The following KAZN variants were observed in gnomAD, a reference collection of about 807,000 sequenced individuals.
KAZN encodes kazrin.
Under a neutral mutation model 87.4 loss-of-function variants are expected in KAZN, and 40 were observed. That is an observed-to-expected ratio of 0.46 (90% CI 0.36 to 0.60). KAZN has a LOEUF of 0.60. KAZN is among the 20% of genes least tolerant of loss of function. KAZN has a pLI of 0.00. For synonymous variants in KAZN, 466 were observed against 458.3 expected (o/e 1.02, Z -0.22); for missense variants, 898 against 1,073.9 (o/e 0.84, Z 2.29).
chr1:14,933,849 CT>C (rs59580896), intron 1 of KAZN, among the ~76,000 whole-genome samples: 72,729 of 141,022 alleles, frequency 0.52, 19,901 homozygotes, highest in African/African-American at 0.75. Flanking sequence ...GCTTTTTTTT[CT>C]TTTTTTTTTT....
intron 2 of KAZN, among the ~76,000 whole-genome samples, chr1:14,219,202 C>T (rs926075063): frequency 4.6e-5 from 7 of 151,978 alleles, no homozygotes; most frequent in African/African-American, 1.4e-4. Flanking sequence ...GATGTATAAT[C>T]AGGTGATAAA....
At chr1:14,254,543 TGGTC>T (rs776333922) in intron 2 of KAZN, among the ~76,000 whole-genome samples, 5 of 152,068 alleles carry the variant, frequency 3.3e-5, no homozygotes, top group Non-Finnish European at 7.4e-5. Context: ...AAGTGGCAAA[TGGTC>T]AAAATACAGC....
intron 1 of KAZN, among the ~76,000 whole-genome samples, chr1:14,163,222 T>TA (rs1452986413): frequency 6.6e-6 from 1 of 152,146 alleles, no homozygotes. Flanking sequence ...GAAAGTTTAT[T>TA]AAAAAGTTTT....
intron 2 of KAZN, among the ~76,000 whole-genome samples, chr1:14,999,992 G>A (rs1244012747): frequency 6.6e-6 from 1 of 152,158 alleles, no homozygotes; most frequent in African/African-American, 2.4e-5. Flanking sequence ...TATAATCCCT[G>A]GAACCTGTGG....
intron 2 of KAZN, among the ~76,000 whole-genome samples, chr1:14,448,390 C>T (rs144436330): frequency 1.6e-4 from 25 of 152,326 alleles, no homozygotes; most frequent in Non-Finnish European, 3.4e-4. Flanking sequence ...TCCAGCAGGA[C>T]GTGTTCAGAT....
chr1:14,600,286 A>G (rs1676854976), intron 1 of KAZN, among the ~76,000 whole-genome samples: 1 of 152,158 alleles, frequency 6.6e-6, no homozygotes, highest in Non-Finnish European at 1.5e-5. Flanking sequence ...GTGGCTCAAA[A>G]TGATTTTCTG....
intron 2 of KAZN, among the ~76,000 whole-genome samples, chr1:14,393,702 C>T (rs1662647975): frequency 6.6e-6 from 1 of 151,996 alleles, no homozygotes; most frequent in South Asian, 2.1e-4. Flanking sequence ...CATTGAGGAC[C>T]TAAATCAGAG....
At chr1:14,224,289 A>G (rs1289385180) in intron 2 of KAZN, among the ~76,000 whole-genome samples, 2 of 152,218 alleles carry the variant, frequency 1.3e-5, no homozygotes, top group Admixed American at 6.5e-5. Flanking sequence ...AGAAGGACCA[A>G]CGAAAGCAAA....
At chr1:15,017,157 G>A (rs1467058535) in intron 2 of KAZN, among the ~76,000 whole-genome samples, 1 of 151,860 alleles carries the variant, frequency 6.6e-6, no homozygotes, top group Non-Finnish European at 1.5e-5. Context: ...AATTAGCCAG[G>A]CTTGGTGGCT....
chr1:14,186,161 A>G (rs995199774), intron 2 of KAZN, among the ~76,000 whole-genome samples: 1 of 152,194 alleles, frequency 6.6e-6, no homozygotes, highest in Non-Finnish European at 1.5e-5. Flanking sequence ...TATTTTGTAC[A>G]TCATAGAGCT....
intron 2 of KAZN, among the ~76,000 whole-genome samples, chr1:14,508,599 C>A (rs2148441000): frequency 6.6e-6 from 1 of 152,240 alleles, no homozygotes; most frequent in South Asian, 2.1e-4. Flanking sequence ...TCAATAGAGG[C>A]GCTCTCCACT....
chr1:14,546,323 A>G (rs1397000290), intron 2 of KAZN, among the ~76,000 whole-genome samples: 1 of 152,224 alleles, frequency 6.6e-6, no homozygotes, highest in East Asian at 1.9e-4. Flanking sequence ...CAGAGAGAAA[A>G]TGGAAACAAA....
intron 1 of KAZN, among the ~76,000 whole-genome samples, chr1:14,823,950 C>T (rs992510208): frequency 1.2e-4 from 18 of 152,034 alleles, no homozygotes; most frequent in African/African-American, 4.3e-4. Context: ...CCCGTCTCTA[C>T]TAAAAACACA....
chr1:14,287,584 A>G (rs1418033756), intron 2 of KAZN, among the ~76,000 whole-genome samples: 1 of 152,240 alleles, frequency 6.6e-6, no homozygotes, highest in Admixed American at 6.5e-5. Flanking sequence ...TTTTGGGCTG[A>G]GACAATGGGA....
intron 2 of KAZN, among the ~76,000 whole-genome samples, chr1:14,190,479 T>C (rs772165682): frequency 2.6e-5 from 4 of 152,194 alleles, no homozygotes; most frequent in Non-Finnish European, 5.9e-5. Flanking sequence ...AAAATGGCTG[T>C]CATTCTTTAC....
At chr1:14,250,825 ATATT>A (rs1206679151) in intron 2 of KAZN, among the ~76,000 whole-genome samples, 2 of 151,950 alleles carry the variant, frequency 1.3e-5, no homozygotes, top group African/African-American at 2.4e-5. Context: ...AAATTCAGAA[ATATT>A]TATTAATAGC....
intron 1 of KAZN, among the ~76,000 whole-genome samples, chr1:14,039,615 T>G (rs2101386691): frequency 6.6e-6 from 1 of 152,354 alleles, no homozygotes; most frequent in East Asian, 1.9e-4. Flanking sequence ...TATTTAAAAC[T>G]TTTATTTACA....
intron 1 of KAZN, among the ~76,000 whole-genome samples, chr1:14,791,059 C>T (rs1451405276): frequency 6.6e-6 from 1 of 152,192 alleles, no homozygotes; most frequent in African/African-American, 2.4e-5. Context: ...CAAGTCTCAT[C>T]CCACCCTACC....
chr1:15,050,081 TACA>T (rs1674161559), intron 4 of KAZN, among the ~76,000 whole-genome samples: 1 of 82,548 alleles, frequency 1.2e-5, no homozygotes, highest in African/African-American at 7.5e-5. Context: ...TAGAGTAGAG[TACA>T]GTAGAGTACA....
Sources: allele counts gnomAD v4.1 joint callset (sites outside exome capture counted in the v4.1 genomes callset), GRCh38; gene constraint gnomAD v4.1.1; transcripts MANE v1.5; gene names NCBI Gene and HGNC (gene_info 2026-07-23, HGNC 2026-07-21).